ATP6AP2: variants seen among roughly 807,000 people sequenced by gnomAD.
ATP6AP2 encodes the protein renin receptor.
In ATP6AP2, 1 loss-of-function variant was observed where a neutral mutation model predicts 23.4. The ratio of observed to expected loss-of-function variants is 0.04; its 90% CI spans 0.02 to 0.20. The LOEUF (loss-of-function observed/expected upper bound fraction) is 0.20. Ranked by LOEUF, ATP6AP2 falls within the 10% of genes least tolerant of loss-of-function variation. The probability of loss-of-function intolerance (pLI) is 1.00; values close to 1 mark genes in which losing one functional copy is unlikely to be tolerated. For missense variants in ATP6AP2, 174 were observed against 271.3 expected (o/e 0.64, Z 2.52); for synonymous variants, 90 against 97.1 (o/e 0.93, Z 0.43).
Position 40,581,112 on chromosome X carries a change from C to T in ATP6AP2, c.37+10C>T, listed in dbSNP as rs1423416811. On this transcript the variant is annotated intron_variant, in intron 1 of 8. Transcript: ENST00000636580. ...CTGGCGTTGGTGGCGGGTGAGGAGC[C>T]GGGGGCCGGCAGGACGTGCCTGGGG... The T allele has an allele frequency of 1.7e-6, 2 of 1,154,511 alleles. No individual in the cohort carries two copies. Among genetic ancestry groups the T allele is most frequent in the Non-Finnish European group, 1.2e-6 (1 of 867,797 alleles).
rs369876508 is a variant in ATP6AP2, at chrX:40,597,671, G to A, written c.534+7G>A. On this transcript the variant is annotated splice_region_variant and intron_variant, in intron 5 of 8. Coordinates refer to ENST00000636580, the MANE Select transcript of ATP6AP2 (RefSeq NM_005765.3). Reference sequence around the variant, plus strand: ...TCTGAGTAGGAACAATGAAGTAAGTGCAGTTATTCAATGAATACATGAATA... The same window carrying A: ...TCTGAGTAGGAACAATGAAGTAAGTACAGTTATTCAATGAATACATGAATA... 1.6e-5 allele frequency: 19 copies of A among 1,196,608 alleles called. No individual in the cohort carries two copies. The African/African-American group carries it at 2.5e-4, about 16-fold the overall frequency.
intron 1 of ATP6AP2, among the ~76,000 whole-genome samples, chrX:40,587,529 A>G (rs1055353167): frequency 8.9e-6 from 1 of 112,278 alleles, no homozygotes; most frequent in Admixed American, 9.5e-5. Flanking sequence ...TTTACTGTCA[A>G]TACTGCAACA....
At chrX:40,589,580 G>A (rs1004840996) in intron 2 of ATP6AP2, 5 of 117,151 alleles carry the variant, frequency 4.3e-5, no homozygotes, top group Non-Finnish European at 8.6e-5. Flanking sequence ...TAGTATAGGC[G>A]ATAGATTCAC....
chrX:40,599,821 A>G, intron 7 of ATP6AP2, 80 bp downstream of exon 7: 1 of 1,128,811 alleles, frequency 8.9e-7, no homozygotes, highest in Non-Finnish European at 1.2e-6. Context: ...TGCTGTTTCA[A>G]ACACTGTTGA....
In ATP6AP2 at chrX:40,591,340, G is replaced by A. The variant is rs1450455949; in HGVS notation, c.275G>A (p.Ser92Asn). The change falls in exon 3 of 9, where the codon AGT becomes AAT. Residue 92 changes from serine (S) to asparagine (N), a missense_variant. Transcript: ENST00000636580. ...GVNKLALPPG[S>N]VISYPLENAV... is the part of the protein sequence containing the mutation. ...AACAAACTGGCTCTACCCCCAGGCAGTGTCATTTCGTACCCTTTGGAGAAT... is the reference window on the plus strand; with the variant it reads ...AACAAACTGGCTCTACCCCCAGGCAATGTCATTTCGTACCCTTTGGAGAAT... The A allele has an allele frequency of 3.3e-6, 4 of 1,209,605 alleles. No homozygotes were observed. Among genetic ancestry groups the A allele is most frequent in the Non-Finnish European group, 4.5e-6 (4 of 894,918 alleles).
chrX:40,604,540 C>T (rs1030416010), intron 8 of ATP6AP2, among the ~76,000 whole-genome samples: 1 of 111,389 alleles, frequency 9.0e-6, no homozygotes, highest in African/African-American at 3.3e-5. Flanking sequence ...TCTCTCGACA[C>T]GTGGGGATTA....
chrX:40,595,654 A>G (rs1401855872), intron 3 of ATP6AP2, among the ~76,000 whole-genome samples: 2 of 111,638 alleles, frequency 1.8e-5, no homozygotes, highest in African/African-American at 3.3e-5. Flanking sequence ...TCATTTGCTC[A>G]TGTATTCCCC....
intron 8 of ATP6AP2, among the ~76,000 whole-genome samples, chrX:40,602,941 TG>T (rs1422051963): frequency 0.047 from 626 of 13,285 alleles, 95 homozygotes; most frequent in African/African-American, 0.088. Flanking sequence ...TTTTTTTTTT[TG>T]GATTTTTTGG....
chrX:40,590,431 T>C (rs1391158094), intron 2 of ATP6AP2: 2 of 111,527 alleles, frequency 1.8e-5, no homozygotes, highest in Non-Finnish European at 3.8e-5. Flanking sequence ...CAAGCTAGAG[T>C]GCAGTGGCCT....
rs769547935 is a variant in ATP6AP2 at position 40,598,667 on chromosome X, T to G, written c.535-14T>G. The G allele has an allele frequency of 2.3e-5, 28 of 1,206,069 alleles. No individual in the cohort carries two copies. The highest frequency in any genetic ancestry group is 1.6e-4 in the South Asian group (9 of 56,730). Reference sequence around the variant, plus strand: ...CATTTAAAAGAATGCTCTTTTTTTTTGGGCTCTCTGAAGGTTGACCTGCTC... The same window carrying G: ...CATTTAAAAGAATGCTCTTTTTTTTGGGGCTCTCTGAAGGTTGACCTGCTC... On this transcript the variant is annotated splice_polypyrimidine_tract_variant and intron_variant, in intron 5 of 8. Transcript: ENST00000636580.
At chrX:40,594,865 G>A (rs1926738065) in intron 3 of ATP6AP2, among the ~76,000 whole-genome samples, 1 of 112,018 alleles carries the variant, frequency 8.9e-6, no homozygotes, top group African/African-American at 3.2e-5. Flanking sequence ...TGCAGCTAAC[G>A]TGGTAAGAAA....
chrX:40,585,698 A>G (rs1926448280), intron 1 of ATP6AP2, among the ~76,000 whole-genome samples: 1 of 109,902 alleles, frequency 9.1e-6, no homozygotes, highest in African/African-American at 3.3e-5. Flanking sequence ...TACCAAAAAA[A>G]TACACAAGTT....
chrX:40,591,297 G>T lies in ATP6AP2; in HGVS notation c.232G>T (p.Val78Leu), dbSNP rs796052283. ...TCATCGTCCTCGGGCTACCGTCATG[G>T]TGATGGTGAAGGGAGTGAACAAACT... ...LFHRPRATVMVMVKGVNKLAL... is the reference protein window; with the variant it reads ...LFHRPRATVMLMVKGVNKLAL... Residue 78 changes from valine to leucine, a missense_variant, in exon 3 of 9, where the codon GTG becomes TTG. Val to Leu is a conservative substitution (Grantham distance 32). Transcript: ENST00000636580. The T allele has an allele frequency of 1.7e-6, 2 of 1,210,897 alleles. No individual in the cohort carries two copies. The highest frequency in any genetic ancestry group is 4.3e-5 in the Admixed American group (2 of 46,043).
In ATP6AP2 at chrX:40,589,069, C is replaced by T. The variant is rs769660079; in HGVS notation, c.121C>T (p.Arg41Trp). The change falls in exon 2 of 9, where the codon CGG becomes TGG. Residue 41 changes from arginine (R) to tryptophan (W), a missense_variant. Transcript: ENST00000636580. ...TGGAAATTGGCCTATACCAGGAGAG[C>T]GGATCCCAGACGTGGCTGCATTGTC... ...RNGNWPIPGE[R>W]IPDVAALSMG... The T allele has an allele frequency of 8.3e-7, 1 of 1,209,263 alleles. No individual in the cohort carries two copies.
chrX:40,602,933 T>G (rs1378908982), intron 8 of ATP6AP2, among the ~76,000 whole-genome samples: 21 of 11,677 alleles, frequency 1.8e-3, no homozygotes, highest in South Asian at 4.8e-3. Context: ...TTTTTTTTTT[T>G]TTTTTTTTGG....
At position 40,581,011 on chromosome X, in the gene ATP6AP2, G is replaced by T; in HGVS notation, c.-55G>T. 1 of 1,156,826 alleles carries T rather than the reference G, an allele frequency of 8.6e-7. No individual in the cohort carries two copies. On this transcript the variant is annotated 5_prime_UTR_variant, in exon 1 of 9. Coordinates refer to ENST00000636580, the MANE Select transcript of ATP6AP2 (RefSeq NM_005765.3). ...CCTCCTCACGCTGCGGCTGTCGCCCGTGTCCCGCCGGCCCGTTCCGTGTCG... is the reference window on the plus strand; with the variant it reads ...CCTCCTCACGCTGCGGCTGTCGCCCTTGTCCCGCCGGCCCGTTCCGTGTCG...
At chrX:40,595,653 C>CA (rs1396984527) in intron 3 of ATP6AP2, among the ~76,000 whole-genome samples, 8 of 111,529 alleles carry the variant, frequency 7.2e-5, no homozygotes, top group Admixed American at 6.7e-4. Flanking sequence ...ATCATTTGCT[C>CA]ATGTATTCCC....
At chrX:40,592,331 C>T (rs931000003) in intron 3 of ATP6AP2, 1 of 111,578 alleles carries the variant, frequency 9.0e-6, no homozygotes, top group African/African-American at 3.3e-5. Flanking sequence ...GGCCAATTTC[C>T]AAGAGATCTA....
intron 1 of ATP6AP2, among the ~76,000 whole-genome samples, chrX:40,585,536 C>T (rs1476696746): frequency 1.8e-5 from 2 of 111,285 alleles, no homozygotes; most frequent in African/African-American, 6.5e-5. Context: ...TTTGGGGAGT[C>T]GTTTCAGTGG....
Sources: gnomAD v4.1 joint callset for allele counts (sites outside exome capture counted in the v4.1 genomes callset) on GRCh38, gnomAD v4.1.1 for gene constraint, MANE v1.5 for transcripts, NCBI Gene and HGNC (gene_info 2026-07-23, HGNC 2026-07-21) for gene names.